Variants in PCDHGA1 observed in about 807,000 individuals in gnomAD.
PCDHGA1 encodes protocadherin gamma-A1.
Under a neutral mutation model 58.0 loss-of-function variants are expected in PCDHGA1, and 32 were observed. The observed-to-expected ratio is 0.55, with a 90% CI of 0.42 to 0.74. The LOEUF (loss-of-function observed/expected upper bound fraction) is 0.74. Ranked by LOEUF, PCDHGA1 falls within the 30% of genes least tolerant of loss-of-function variation. PCDHGA1 has a pLI of 0.00. For synonymous variants in PCDHGA1, 498 were observed against 501.1 expected (o/e 0.99, Z 0.08); for missense variants, 1,205 against 1,182.3 (o/e 1.02, Z -0.28).
intron 1 of PCDHGA1, chr5:141,370,906 A>C (rs918888643): frequency 9.3e-6 from 15 of 1,613,840 alleles, no homozygotes; most frequent in Non-Finnish European, 1.3e-5. Context: ...CAGCAGTACT[A>C]CCTCAGCCCT....
rs773835264 is a variant in PCDHGA1 at position 141,340,523 on chromosome 5, C to T, written c.2421+7418C>T. The T allele has an allele frequency of 4.3e-6, 7 of 1,614,116 alleles. No homozygotes were observed. The highest frequency in any genetic ancestry group is 1.3e-5 in the African/African-American group (1 of 74,934). ...CGACACTGGAGTACTCTATGCACTG[C>T]GCTCCTTTGATTATGAGCAGTTGCG... On this transcript the variant is annotated intron_variant, in intron 1 of 3. Transcript: ENST00000517417.
At chr5:141,352,804 A>C (rs913293903) in intron 1 of PCDHGA1, 1 of 887,046 alleles carries the variant, frequency 1.1e-6, no homozygotes, top group Non-Finnish European at 1.7e-6. Context: ...AGCATAGCCA[A>C]GATGGTAAAA....
intron 1 of PCDHGA1, chr5:141,421,422 C>T (rs908483513): frequency 6.2e-7 from 1 of 1,614,086 alleles, no homozygotes; most frequent in Non-Finnish European, 8.5e-7. Flanking sequence ...AGCGCGGAGT[C>T]CGCATCGTCT....
chr5:141,399,383 C>A, intron 1 of PCDHGA1: 1 of 1,614,008 alleles, frequency 6.2e-7, no homozygotes. Context: ...GTCACCATCA[C>A]AGCCACAGAC....
At chr5:141,430,774 A>G (rs1269572813) in intron 1 of PCDHGA1, 11 of 1,508,872 alleles carry the variant, frequency 7.3e-6, no homozygotes, top group Non-Finnish European at 8.8e-7. Context: ...TTCCTGCGCG[A>G]CTGCACCGGG....
chr5:141,400,965 CTCTT>C (rs2094096418), intron 1 of PCDHGA1, among the ~76,000 whole-genome samples: 1 of 151,032 alleles, frequency 6.6e-6, no homozygotes, highest in Non-Finnish European at 1.5e-5. Flanking sequence ...TAGTTTTCAT[CTCTT>C]TCTTATGTTC....
chr5:141,405,037 G>C (rs756524085), intron 1 of PCDHGA1: 5 of 1,613,856 alleles, frequency 3.1e-6, no homozygotes, highest in Non-Finnish European at 4.2e-6. Flanking sequence ...ACCTCGTTGT[G>C]GCTGTGGCAG....
chr5:141,372,619 C>A, intron 1 of PCDHGA1: 1 of 1,613,968 alleles, frequency 6.2e-7, no homozygotes, highest in South Asian at 1.1e-5. Context: ...GTTCTCCCCA[C>A]CTACAGCGAA....
At chr5:141,385,292 AG>A (rs1458906535) in intron 1 of PCDHGA1, 1 of 1,613,082 alleles carries the variant, frequency 6.2e-7, no homozygotes, top group African/African-American at 1.3e-5. Flanking sequence ...GTAGATTTTC[AG>A]GAATGTAAAG....
chr5:141,408,311 A>C (rs1467917610), intron 1 of PCDHGA1: 1 of 1,613,650 alleles, frequency 6.2e-7, no homozygotes, highest in African/African-American at 1.3e-5. Context: ...CCGCTACTCG[A>C]TTCCGGAGGA....
chr5:141,478,135 C>T (rs1307702473), intron 1 of PCDHGA1: 7 of 1,613,970 alleles, frequency 4.3e-6, no homozygotes, highest in African/African-American at 1.3e-5. Flanking sequence ...CTCCTGAAGC[C>T]CGAGCCGAGT....
chr5:141,440,464 G>A (rs2003094), intron 1 of PCDHGA1: 3,293 of 152,144 alleles, frequency 0.022, 52 homozygotes, highest in South Asian at 0.038. Context: ...ATGAACAAAC[G>A]GTAGTTGAAA....
chr5:141,428,381 C>T, intron 1 of PCDHGA1: 1 of 516,406 alleles, frequency 1.9e-6, no homozygotes, highest in Non-Finnish European at 3.6e-6. Context: ...CTGCGATGCT[C>T]TTCCAGCCCC....
At chr5:141,474,834 A>G (rs557557147) in intron 1 of PCDHGA1, among the ~76,000 whole-genome samples, 4 of 152,380 alleles carry the variant, frequency 2.6e-5, no homozygotes, top group South Asian at 4.1e-4. Context: ...ACTCTGTGCC[A>G]GGCACTTTAC....
At chr5:141,364,881 G>A (rs1274418788) in intron 1 of PCDHGA1, 2 of 1,613,898 alleles carry the variant, frequency 1.2e-6, no homozygotes, top group Admixed American at 1.7e-5. Context: ...GATGTGGTAA[G>A]CGGAACTGAT....
intron 1 of PCDHGA1, chr5:141,421,118 T>A (rs572827470): frequency 1.3e-6 from 1 of 771,946 alleles, no homozygotes; most frequent in South Asian, 1.9e-5. Flanking sequence ...GTATTTTCCT[T>A]CGCTTTCTGA....
chr5:141,400,923 T>C (rs1453975530), intron 1 of PCDHGA1, among the ~76,000 whole-genome samples: 1 of 152,260 alleles, frequency 6.6e-6, no homozygotes, highest in Admixed American at 6.5e-5. Flanking sequence ...AAGAAACTGC[T>C]AGTAGATGTC....
At chr5:141,438,136 A>C (rs2097931548) in intron 1 of PCDHGA1, among the ~76,000 whole-genome samples, 1 of 152,186 alleles carries the variant, frequency 6.6e-6, no homozygotes, top group Non-Finnish European at 1.5e-5. Flanking sequence ...TAATGGCAAA[A>C]GATAGCCAGC....
Position 141,511,303 on chromosome 5 carries a change from C to T in PCDHGA1, c.*130C>T, listed in dbSNP as rs2099883709. 2.7e-6 allele frequency: 4 copies of T among 1,490,160 alleles called. No homozygotes were observed. Among genetic ancestry groups the T allele is most frequent in the Non-Finnish European group, 3.6e-6 (4 of 1,116,196 alleles). 92.3% of individuals were successfully genotyped at this position (1,490,160 alleles called of 1,614,324 possible). ...CTGGTAGGGGCCAAGGCCATGCTCC[C>T]CTTGGGAAACAGAAACAAGTGCCCA... On this transcript the variant is annotated 3_prime_UTR_variant, in exon 4 of 4. Coordinates refer to ENST00000517417, the MANE Select transcript of PCDHGA1 (RefSeq NM_018912.3).
Sources: gnomAD v4.1 joint callset for allele counts (sites outside exome capture counted in the v4.1 genomes callset) on GRCh38, gnomAD v4.1.1 for gene constraint, MANE v1.5 for transcripts, NCBI Gene and HGNC (gene_info 2026-07-23, HGNC 2026-07-21) for gene names.